GRIA1: variants seen among roughly 807,000 people sequenced by gnomAD.
The protein encoded by GRIA1 is glutamate receptor 1.
Under a neutral mutation model 99.2 loss-of-function variants are expected in GRIA1, and 31 were observed. That is an observed-to-expected ratio of 0.31 (90% confidence interval 0.23 to 0.42). The LOEUF is 0.42. GRIA1 is among the 10% of genes least tolerant of loss of function. The pLI is 1.00. For missense variants in GRIA1, 782 were observed against 1,157.5 expected (o/e 0.68, Z 4.71); for synonymous variants, 438 against 432.4 (o/e 1.01, Z -0.16).
chr5:153,614,971 A>G (rs1318619586), intron 2 of GRIA1, among the ~76,000 whole-genome samples: 2 of 152,254 alleles, frequency 1.3e-5, no homozygotes, highest in Admixed American at 6.5e-5. Context: ...AAGTGGGTTT[A>G]CAGTTATTAT....
At chr5:153,678,011 C>T (rs893000630) in intron 7 of GRIA1, among the ~76,000 whole-genome samples, 8 of 152,134 alleles carry the variant, frequency 5.3e-5, no homozygotes, top group African/African-American at 1.7e-4. Flanking sequence ...AGAGGATGGC[C>T]GTGCTTGCTG....
intron 2 of GRIA1, 145 bp from the exon 3 acceptor site, chr5:153,646,783 G>A (rs972074153): frequency 2.0e-5 from 16 of 818,050 alleles, no homozygotes; most frequent in African/African-American, 1.4e-4. Flanking sequence ...TGGATGGATT[G>A]GTTTGTTGGA....
At chr5:153,603,556 A>T (rs887240048) in intron 2 of GRIA1, among the ~76,000 whole-genome samples, 1 of 152,152 alleles carries the variant, frequency 6.6e-6, no homozygotes, top group East Asian at 1.9e-4. Context: ...ACCAGTATTT[A>T]TTGAGTGCCT....
chr5:153,665,235 G>C (rs1755660358), intron 5 of GRIA1, among the ~76,000 whole-genome samples: 1 of 152,224 alleles, frequency 6.6e-6, no homozygotes, highest in South Asian at 2.1e-4. Flanking sequence ...AGGGCTAAGA[G>C]AAATTAGTTT....
At chr5:153,537,582 C>A (rs1758699257) in intron 2 of GRIA1, among the ~76,000 whole-genome samples, 1 of 152,128 alleles carries the variant, frequency 6.6e-6, no homozygotes, top group South Asian at 2.1e-4. Flanking sequence ...AAATAAATTG[C>A]ATTGTGTTTT....
rs751940097 is a variant in GRIA1, at chr5:153,493,986, G to A, written c.141G>A (p.Ser47=). ...ATGCTGCTTTTAGATTTGCTTTGTC[G>A]CAACTCACAGAGCCCCCGAAGCTGC... ...QEHAAFRFAL[S]QLTEPPKLLP... The change falls in exon 2 of 16, where the codon TCG becomes TCA. Residue 47 remains serine, a synonymous_variant. Coordinates refer to ENST00000285900, the MANE Select transcript of GRIA1 (RefSeq NM_000827.4). 2.2e-5 allele frequency: 36 copies of A among 1,613,788 alleles called. No homozygotes were observed. Among genetic ancestry groups the A allele is most frequent in the Middle Eastern group, 3.3e-4 (2 of 6,080 alleles).
intron 5 of GRIA1, among the ~76,000 whole-genome samples, chr5:153,666,266 G>A (rs984907553): frequency 6.6e-6 from 1 of 152,140 alleles, no homozygotes; most frequent in Non-Finnish European, 1.5e-5. Context: ...GACGCTGTGG[G>A]GGCCAACGTC....
intron 15 of GRIA1, among the ~76,000 whole-genome samples, chr5:153,803,171 G>C (rs867986039): frequency 6.6e-6 from 1 of 152,156 alleles, no homozygotes; most frequent in Admixed American, 6.5e-5. Context: ...ATGTTAACAC[G>C]ATACACTAAA....
intron 2 of GRIA1, among the ~76,000 whole-genome samples, chr5:153,608,179 G>C (rs1276118520): frequency 6.6e-6 from 1 of 152,128 alleles, no homozygotes; most frequent in Non-Finnish European, 1.5e-5. Flanking sequence ...TCCAGGTACA[G>C]AGTTACTGTC....
intron 11 of GRIA1, among the ~76,000 whole-genome samples, chr5:153,759,563 A>C (rs991811052): frequency 1.3e-5 from 2 of 152,042 alleles, no homozygotes; most frequent in African/African-American, 4.8e-5. Flanking sequence ...TCAGTAATAA[A>C]AAGTCTCCCA....
At chr5:153,502,091 A>G (rs1755060049) in intron 2 of GRIA1, among the ~76,000 whole-genome samples, 1 of 152,068 alleles carries the variant, frequency 6.6e-6, no homozygotes, top group African/African-American at 2.4e-5. Flanking sequence ...TTCTTCACTG[A>G]GCCTTTTTTC....
At chr5:153,768,315 T>C (rs1384647199) in intron 12 of GRIA1, among the ~76,000 whole-genome samples, 2 of 152,146 alleles carry the variant, frequency 1.3e-5, no homozygotes, top group Non-Finnish European at 2.9e-5. Context: ...AATCAGATAC[T>C]TCCAGCTAGC....
At chr5:153,704,213 G>A (rs1758728834) in intron 10 of GRIA1, among the ~76,000 whole-genome samples, 3 of 152,240 alleles carry the variant, frequency 2.0e-5, no homozygotes, top group African/African-American at 7.2e-5. Flanking sequence ...CTGGTGGGTG[G>A]TCAGCACCCT....
rs949298385 is a variant in GRIA1 at position 153,629,445 on chromosome 5, T to C, written c.221-17483T>C. Reference sequence around the variant, plus strand: ...TGGGAAACGTCTGTGATGAGCGACATTGTAGAGAGTTAACAAAAACTGGGA... The same window carrying C: ...TGGGAAACGTCTGTGATGAGCGACACTGTAGAGAGTTAACAAAAACTGGGA... On this transcript the variant is annotated intron_variant, in intron 2 of 15. Transcript: ENST00000285900. Among the ~76,000 whole-genome samples the C allele has an allele frequency of 1.3e-5, 2 of 152,150 alleles. 1 individual carries two copies. The highest frequency in any genetic ancestry group is 4.8e-5 in the African/African-American group (2 of 41,434).
intron 2 of GRIA1, among the ~76,000 whole-genome samples, chr5:153,505,482 G>A (rs886224626): frequency 6.6e-6 from 1 of 152,198 alleles, no homozygotes; most frequent in African/African-American, 2.4e-5. Context: ...GAGCCTGCTC[G>A]TCTCATAGGA....
intron 2 of GRIA1, among the ~76,000 whole-genome samples, chr5:153,532,791 C>T (rs968994263): frequency 2.0e-5 from 3 of 152,164 alleles, no homozygotes; most frequent in African/African-American, 7.2e-5. Context: ...GGTCAAACAT[C>T]AGCCCTACAT....
intron 13 of GRIA1, among the ~76,000 whole-genome samples, chr5:153,780,553 C>T (rs1293468045): frequency 1.3e-5 from 2 of 152,222 alleles, no homozygotes; most frequent in Admixed American, 6.5e-5. Context: ...TGAGATAATA[C>T]AAAGTGTTTA....
chr5:153,683,657 G>A (rs1397734712), intron 7 of GRIA1, among the ~76,000 whole-genome samples: 2 of 152,176 alleles, frequency 1.3e-5, no homozygotes, highest in African/African-American at 4.8e-5. Context: ...TCTTCTGAAA[G>A]AGTCCCCTTG....
intron 11 of GRIA1, among the ~76,000 whole-genome samples, chr5:153,762,351 G>A (rs182458973): frequency 2.0e-5 from 3 of 152,226 alleles, no homozygotes; most frequent in Non-Finnish European, 2.9e-5. Context: ...ACAGTTTAGA[G>A]GCCATTGTGG....
Sources: allele counts gnomAD v4.1 joint callset (sites outside exome capture counted in the v4.1 genomes callset), GRCh38; gene constraint gnomAD v4.1.1; transcripts MANE v1.5; gene names NCBI Gene and HGNC (gene_info 2026-07-23, HGNC 2026-07-21).